The following PTPN2 variants were observed in gnomAD, a reference collection of about 807,000 sequenced individuals.
The protein encoded by PTPN2 is protein tyrosine phosphatase non-receptor type 2.
In PTPN2, 19 loss-of-function variants were observed where a neutral mutation model predicts 57.3. The observed-to-expected ratio is 0.33, with a 90% CI of 0.23 to 0.49. The LOEUF is 0.49. Among genes scored for constraint, PTPN2 ranks in the 20% least tolerant of loss-of-function variants. The pLI, the probability that PTPN2 is intolerant of heterozygous loss-of-function variation, is 0.99. For missense variants in PTPN2, 358 were observed against 501.1 expected (o/e 0.71, Z 2.73); for synonymous variants, 153 against 164.9 (o/e 0.93, Z 0.55).
intron 5 of PTPN2, among the ~76,000 whole-genome samples, chr18:12,818,274 G>A (rs1425254013): frequency 6.6e-6 from 1 of 152,008 alleles, no homozygotes; most frequent in Non-Finnish European, 1.5e-5. Flanking sequence ...CTGCTACACA[G>A]GCATAGGGGA....
chr18:12,863,732 C>G (rs867017155), intron 1 of PTPN2: 1 of 152,064 alleles, frequency 6.6e-6, no homozygotes, highest in Admixed American at 6.6e-5. Context: ...ATATCCCCCA[C>G]CAACACAGTA....
chr18:12,877,482 G>A (rs764866646), intron 1 of PTPN2, among the ~76,000 whole-genome samples: 11 of 152,194 alleles, frequency 7.2e-5, no homozygotes, highest in African/African-American at 2.7e-4. Flanking sequence ...AGGGAATTCA[G>A]AGTTTGTGCA....
chr18:12,859,315 T>C, intron 1 of PTPN2, 61 bp from the exon 2 acceptor site: 1 of 1,167,766 alleles, frequency 8.6e-7, no homozygotes, highest in Non-Finnish European at 1.2e-6. Flanking sequence ...AAAACTTATC[T>C]TCCCAGCCAG....
At chr18:12,873,340 C>T (rs866791058) in intron 1 of PTPN2, among the ~76,000 whole-genome samples, 3 of 152,156 alleles carry the variant, frequency 2.0e-5, no homozygotes, top group African/African-American at 4.8e-5. Context: ...GATGCCGAGC[C>T]GAAGCTGGAC....
chr18:12,829,438 G>A (rs2042590315), intron 4 of PTPN2, among the ~76,000 whole-genome samples: 1 of 150,622 alleles, frequency 6.6e-6, no homozygotes, highest in African/African-American at 2.4e-5. Flanking sequence ...CCGGGAAGTG[G>A]AGGCTGCAGT....
chr18:12,842,568 G>C (rs35967540), intron 2 of PTPN2, among the ~76,000 whole-genome samples: 13,102 of 152,164 alleles, frequency 0.086, 744 homozygotes, highest in East Asian at 0.16. Context: ...GGATATTTTA[G>C]TTAACAGTGT....
chr18:12,865,810 T>A, intron 1 of PTPN2, among the ~76,000 whole-genome samples: 1 of 148,126 alleles, frequency 6.8e-6, no homozygotes, highest in African/African-American at 2.5e-5. Context: ...CCCACCCCAC[T>A]CCCAAAAAAA....
At chr18:12,879,560 GAAGT>G (rs1419548363) in intron 1 of PTPN2, among the ~76,000 whole-genome samples, 1 of 152,208 alleles carries the variant, frequency 6.6e-6, no homozygotes, top group African/African-American at 2.4e-5. Context: ...AAACTCTGAA[GAAGT>G]AATAAAAAAT....
intron 1 of PTPN2, among the ~76,000 whole-genome samples, chr18:12,874,907 CGTGTCT>C (rs942282724): frequency 1.3e-5 from 2 of 152,114 alleles, no homozygotes; most frequent in African/African-American, 4.8e-5. Context: ...GGATGGTTGC[CGTGTCT>C]GTGTGGAAAG....
chr18:12,854,419 T>A (rs1242492820), intron 2 of PTPN2, among the ~76,000 whole-genome samples: 2 of 150,162 alleles, frequency 1.3e-5, no homozygotes, highest in African/African-American at 4.9e-5. Context: ...AAATGGAAAT[T>A]AGTATTAGTG....
intron 2 of PTPN2, chr18:12,841,059 A>C: frequency 8.1e-7 from 1 of 1,235,012 alleles, no homozygotes; most frequent in Non-Finnish European, 1.1e-6. Flanking sequence ...TTTAAAAAGG[A>C]AAAAAGAAAT....
intron 1 of PTPN2, among the ~76,000 whole-genome samples, chr18:12,880,335 G>A (rs978956222): frequency 2.0e-5 from 3 of 152,202 alleles, no homozygotes; most frequent in African/African-American, 7.2e-5. Flanking sequence ...CTTGTGAGCC[G>A]GAGGAGGGGC....
intron 7 of PTPN2, among the ~76,000 whole-genome samples, chr18:12,810,573 G>A (rs1055913190): frequency 1.3e-5 from 2 of 152,294 alleles, no homozygotes; most frequent in South Asian, 4.1e-4. Context: ...AGATTCCTGA[G>A]TAGCTGGGAC....
intron 7 of PTPN2, among the ~76,000 whole-genome samples, chr18:12,812,359 G>C (rs1470726592): frequency 3.3e-5 from 5 of 152,198 alleles, no homozygotes; most frequent in Admixed American, 3.3e-4. Context: ...TCAGCACTTT[G>C]GGACGCCGAG....
Position 12,793,542 on chromosome 18 carries a change from CTTT to C in PTPN2, c.*733_*735del, listed in dbSNP as rs2041048687. 1 of 979,932 alleles carries C rather than the reference CTTT, an allele frequency of 1.0e-6. No individual in the cohort carries two copies. The highest frequency in any genetic ancestry group is 1.2e-6 in the Non-Finnish European group (1 of 824,548). The allele number at this position is 979,932 out of a possible 1,614,324, so 60.7% of individuals were successfully genotyped here. On this transcript the variant is annotated 3_prime_UTR_variant, in exon 9 of 9. Coordinates refer to ENST00000309660, the MANE Select transcript of PTPN2 (RefSeq NM_002828.4). ...ATATTTTTAGGAAAAACTTTTGTTT[CTTT>C]GTTTGCTTTTCTTTTTAAAATGGGG... is the stretch of plus-strand genomic sequence containing the variant.
At chr18:12,802,278 G>GA (rs1292318537) in intron 7 of PTPN2, 127 bp from the exon 8 acceptor site, 1 of 733,644 alleles carries the variant, frequency 1.4e-6, no homozygotes, top group African/African-American at 1.8e-5. Flanking sequence ...AAAGATGAGT[G>GA]AAAAAGAAAA....
At chr18:12,799,386 C>T (rs974247237) in intron 8 of PTPN2, among the ~76,000 whole-genome samples, 1 of 149,798 alleles carries the variant, frequency 6.7e-6, no homozygotes, top group Admixed American at 6.7e-5. Context: ...CACTGCACTT[C>T]AGCCTGGGTG....
intron 4 of PTPN2, among the ~76,000 whole-genome samples, chr18:12,829,467 T>C (rs974089071): frequency 3.6e-5 from 5 of 137,710 alleles, no homozygotes; most frequent in African/African-American, 1.4e-4. Flanking sequence ...ATCATGCCAC[T>C]GCACTCCAGC....
In PTPN2 at chr18:12,873,041, C is replaced by T. The variant is rs555718130; in HGVS notation, c.69+11032G>A. ...TTCAAGACTGGCCCAGCCAACACAG[C>T]GAAACCCCATCTCTACTAAAAATAC... On this transcript the variant is annotated intron_variant, in intron 1 of 8. Coordinates refer to ENST00000309660, the MANE Select transcript of PTPN2 (RefSeq NM_002828.4). Among the ~76,000 whole-genome samples the T allele has an allele frequency of 1.8e-4, 28 of 152,154 alleles. No homozygotes were observed. The South Asian group carries it at 5.2e-3, about 28-fold the overall frequency.
Sources: gnomAD v4.1 joint callset for allele counts (sites outside exome capture counted in the v4.1 genomes callset) on GRCh38, gnomAD v4.1.1 for gene constraint, MANE v1.5 for transcripts, NCBI Gene and HGNC (gene_info 2026-07-23, HGNC 2026-07-21) for gene names.